Variants in MAOA observed in about 807,000 individuals in gnomAD.
MAOA encodes the protein amine oxidase [flavin-containing] A.
Under a neutral mutation model 42.0 loss-of-function variants are expected in MAOA, and 6 were observed. That is an observed-to-expected ratio of 0.14 (90% CI 0.08 to 0.28). The LOEUF is 0.28. Ranked by LOEUF, MAOA falls within the 10% of genes least tolerant of loss-of-function variation. The probability of loss-of-function intolerance (pLI) is 1.00; values close to 1 mark genes in which losing one functional copy is unlikely to be tolerated. For missense variants in MAOA, 262 were observed against 422.3 expected (o/e 0.62, Z 3.33); for synonymous variants, 140 against 154.0 (o/e 0.91, Z 0.67).
At chrX:43,716,950 G>A (rs1168350332) in intron 5 of MAOA, among the ~76,000 whole-genome samples, 1 of 110,898 alleles carries the variant, frequency 9.0e-6, no homozygotes, top group Non-Finnish European at 1.9e-5. Flanking sequence ...AGGGTTGGGG[G>A]AAGATAAGAA....
chrX:43,684,682 G>T (rs906064174), intron 2 of MAOA, among the ~76,000 whole-genome samples: 9 of 111,037 alleles, frequency 8.1e-5, no homozygotes, highest in African/African-American at 3.0e-4. Context: ...CTAGACTGTT[G>T]AAGTGACTGG....
chrX:43,675,317 T>C (rs2033384338), intron 1 of MAOA, among the ~76,000 whole-genome samples: 1 of 112,001 alleles, frequency 8.9e-6, no homozygotes, highest in South Asian at 3.7e-4. Context: ...CTTCTCTGTA[T>C]TGGTTATTCT....
upstream of MAOA, chrX:43,656,082 G>T (rs1353533680): frequency 2.5e-6 from 1 of 406,572 alleles, no homozygotes; most frequent in East Asian, 4.1e-5. Flanking sequence ...AACTCTCGCC[G>T]AGTGTCAGTA....
chrX:43,656,553 C>A, intron 1 of MAOA, 139 bp downstream of exon 1: 1 of 584,492 alleles, frequency 1.7e-6, no homozygotes, highest in Non-Finnish European at 2.8e-6. Flanking sequence ...CCATATCCTG[C>A]GAGGTAGGAG....
intron 3 of MAOA, 35 bp downstream of exon 3, chrX:43,693,463 G>A (rs1161289350): frequency 1.7e-6 from 2 of 1,193,888 alleles, no homozygotes; most frequent in Admixed American, 4.4e-5. Context: ...GACTGATAGG[G>A]AAGCATTTTA....
chrX:43,667,973 G>T (rs1569189359), intron 1 of MAOA, among the ~76,000 whole-genome samples: 1 of 111,821 alleles, frequency 8.9e-6, no homozygotes, highest in East Asian at 2.8e-4. Flanking sequence ...CCACATCCTT[G>T]TATGTAGCTC....
intron 1 of MAOA, among the ~76,000 whole-genome samples, chrX:43,661,720 A>G (rs1464491868): frequency 8.9e-6 from 1 of 111,749 alleles, no homozygotes; most frequent in Non-Finnish European, 1.9e-5. Flanking sequence ...TGCCTTAGTC[A>G]TAACACTGGA....
intron 5 of MAOA, among the ~76,000 whole-genome samples, chrX:43,723,811 T>A (rs2147099631): frequency 8.9e-6 from 1 of 111,809 alleles, no homozygotes; most frequent in African/African-American, 3.2e-5. Context: ...ATATTGGCTG[T>A]GGGTTTGTCA....
At chrX:43,727,389 G>A (rs768250499) in intron 5 of MAOA, among the ~76,000 whole-genome samples, 4 of 112,225 alleles carry the variant, frequency 3.6e-5, no homozygotes, top group African/African-American at 1.3e-4. Context: ...GGAATCTAGA[G>A]AGGCAGTAGG....
At chrX:43,683,945 G>A (rs891935731) in intron 2 of MAOA, among the ~76,000 whole-genome samples, 2 of 73,801 alleles carry the variant, frequency 2.7e-5, no homozygotes, top group Admixed American at 3.3e-4. Flanking sequence ...CTATACACCC[G>A]CAATACACAC....
intron 2 of MAOA, among the ~76,000 whole-genome samples, 170 bp from the exon 3 acceptor site, chrX:43,693,121 G>C (rs1271318517): frequency 1.8e-5 from 2 of 112,268 alleles, no homozygotes; most frequent in African/African-American, 6.5e-5. Context: ...ACAGGATTGT[G>C]CCCCAGTTCT....
intron 3 of MAOA, among the ~76,000 whole-genome samples, chrX:43,702,062 TCCA>T: frequency 8.9e-6 from 1 of 111,836 alleles, no homozygotes; most frequent in South Asian, 3.7e-4. Context: ...GCCTCTAACG[TCCA>T]ATGAATCCCA....
chrX:43,711,150 G>T (rs2033696413), intron 3 of MAOA, among the ~76,000 whole-genome samples: 1 of 110,451 alleles, frequency 9.1e-6, no homozygotes, highest in African/African-American at 3.3e-5. Flanking sequence ...GGGTAGGGGT[G>T]TAGAGATAAA....
intron 5 of MAOA, among the ~76,000 whole-genome samples, chrX:43,715,850 G>A (rs1370412056): frequency 9.0e-6 from 1 of 110,981 alleles, no homozygotes; most frequent in Non-Finnish European, 1.9e-5. Flanking sequence ...CACAGGCACT[G>A]TGGGGACACA....
At chrX:43,691,381 A>T (rs1380947631) in intron 2 of MAOA, among the ~76,000 whole-genome samples, 2 of 111,056 alleles carry the variant, frequency 1.8e-5, no homozygotes, top group African/African-American at 3.3e-5. Flanking sequence ...CTCAAAAAAA[A>T]AAAATAAAAA....
At chrX:43,710,133 C>A (rs1194432641) in intron 3 of MAOA, among the ~76,000 whole-genome samples, 1 of 112,069 alleles carries the variant, frequency 8.9e-6, no homozygotes, top group Non-Finnish European at 1.9e-5. Context: ...ATATCAATAG[C>A]GCTTGCCTTC....
intron 1 of MAOA, among the ~76,000 whole-genome samples, chrX:43,659,316 C>G (rs183061572): frequency 9.0e-6 from 1 of 111,055 alleles, no homozygotes; most frequent in Admixed American, 9.6e-5. Flanking sequence ...GGGAAATAAC[C>G]CTGCTGATTT....
At chrX:43,731,499 C>T (rs1457179754) in intron 7 of MAOA, 109 bp downstream of exon 7, 6 of 953,464 alleles carry the variant, frequency 6.3e-6, no homozygotes, top group East Asian at 3.3e-5. Flanking sequence ...GACATGTTTC[C>T]GCCTCAGTCT....
chrX:43,740,634 C>T, intron 10 of MAOA, 47 bp from the exon 11 acceptor site: 6 of 1,093,485 alleles, frequency 5.5e-6, no homozygotes, highest in Non-Finnish European at 7.4e-6. Context: ...CCATCAGTTA[C>T]TCCTTCCCTA....
Sources: gnomAD v4.1 joint callset for allele counts (sites outside exome capture counted in the v4.1 genomes callset) on GRCh38, gnomAD v4.1.1 for gene constraint, MANE v1.5 for transcripts, NCBI Gene and HGNC (gene_info 2026-07-23, HGNC 2026-07-21) for gene names.